Variants in ROBO1 observed in about 807,000 individuals in gnomAD.
ROBO1 encodes the protein roundabout homolog 1.
Under a neutral mutation model 195.9 loss-of-function variants are expected in ROBO1, and 149 were observed. That is an observed-to-expected ratio of 0.76 (90% confidence interval 0.67 to 0.87). ROBO1 has a LOEUF of 0.87. ROBO1 is among the 40% of genes least tolerant of loss of function. The pLI is 0.00. For synonymous variants in ROBO1, 816 were observed against 733.2 expected (o/e 1.11, Z -1.82); for missense variants, 1,933 against 2,068.3 (o/e 0.93, Z 1.27).
chr3:79,219,643 C>T (rs1253199455), intron 2 of ROBO1, among the ~76,000 whole-genome samples: 1 of 151,978 alleles, frequency 6.6e-6, no homozygotes, highest in East Asian at 1.9e-4. Context: ...TTGCCAAGCT[C>T]TTGTGAACAG....
chr3:78,929,288 G>GCCTT (rs2039379725), intron 4 of ROBO1, among the ~76,000 whole-genome samples: 1 of 152,030 alleles, frequency 6.6e-6, no homozygotes, highest in African/African-American at 2.4e-5. Flanking sequence ...TTAGGCCCCA[G>GCCTT]ATAACCAGAT....
intron 3 of ROBO1, among the ~76,000 whole-genome samples, chr3:79,040,963 CT>C (rs2078477439): frequency 1.3e-5 from 2 of 152,162 alleles, no homozygotes; most frequent in Admixed American, 6.5e-5. Context: ...GACTTCCCTC[CT>C]TTGACATCCT....
chr3:79,422,969 G>C (rs1046042962), intron 2 of ROBO1, among the ~76,000 whole-genome samples: 4 of 143,794 alleles, frequency 2.8e-5, no homozygotes, highest in African/African-American at 1.0e-4. Context: ...ACCTTATTTA[G>C]TATATTTCCA....
At chr3:78,784,813 A>C (rs1199188829) in intron 4 of ROBO1, among the ~76,000 whole-genome samples, 1 of 152,166 alleles carries the variant, frequency 6.6e-6, no homozygotes, top group Non-Finnish European at 1.5e-5. Flanking sequence ...ATTTGCAACT[A>C]TCAGGGTTAC....
At chr3:79,048,494 T>C (rs1199679525) in intron 3 of ROBO1, among the ~76,000 whole-genome samples, 1 of 152,124 alleles carries the variant, frequency 6.6e-6, no homozygotes, top group Non-Finnish European at 1.5e-5. Context: ...GTGCTTCTCA[T>C]GGAACCCCAA....
intron 2 of ROBO1, among the ~76,000 whole-genome samples, chr3:79,289,809 A>G (rs571406673): frequency 3.3e-5 from 5 of 152,118 alleles, no homozygotes; most frequent in Admixed American, 6.5e-5. Flanking sequence ...TTAGGGTGAA[A>G]ATGTTTCCTG....
chr3:78,877,859 G>T (rs1300646527), intron 4 of ROBO1, among the ~76,000 whole-genome samples: 2 of 152,124 alleles, frequency 1.3e-5, no homozygotes, highest in Non-Finnish European at 2.9e-5. Flanking sequence ...GTATAAAATT[G>T]TCTCACACTT....
chr3:79,555,715 C>T (rs1050306681), intron 2 of ROBO1, among the ~76,000 whole-genome samples: 14 of 152,186 alleles, frequency 9.2e-5, no homozygotes, highest in Admixed American at 3.3e-4. Flanking sequence ...TGCCTATTGC[C>T]ATGGGTTTCT....
At chr3:78,853,859 G>A (rs1189181220) in intron 4 of ROBO1, among the ~76,000 whole-genome samples, 1 of 152,036 alleles carries the variant, frequency 6.6e-6, no homozygotes, top group Non-Finnish European at 1.5e-5. Flanking sequence ...TGAGAACCAA[G>A]AGAAAAGGGT....
Position 79,618,130 on chromosome 3 carries a change from T to TA in ROBO1, c.-50-28170dup, listed in dbSNP as rs142862721. On this transcript the variant is annotated intron_variant, in intron 1 of 30. Coordinates refer to ENST00000464233, the MANE Select transcript of ROBO1 (RefSeq NM_002941.4). Reference sequence around the variant, plus strand: ...AGGCTTCAGGAAATAGAGGATTATGTAAAAAAATACGAACCTATGAGATAT... The same window carrying TA: ...AGGCTTCAGGAAATAGAGGATTATGTAAAAAAAATACGAACCTATGAGATAT... Among the ~76,000 whole-genome samples the TA allele has an allele frequency of 6.7e-3, 1,012 of 151,960 alleles. 10 individuals carry two copies. Among genetic ancestry groups the TA allele is most frequent in the African/African-American group, 0.023 (949 of 41,504 alleles).
At chr3:79,252,382 GTAGAAGTTCAT>G (rs997141997) in intron 2 of ROBO1, among the ~76,000 whole-genome samples, 4 of 152,054 alleles carry the variant, frequency 2.6e-5, no homozygotes, top group Non-Finnish European at 5.9e-5. Flanking sequence ...CACACACAGG[GTAGAAGTTCAT>G]TTGAAGATCG....
chr3:78,722,407 A>C (rs1033064264), intron 5 of ROBO1, among the ~76,000 whole-genome samples: 7 of 152,168 alleles, frequency 4.6e-5, no homozygotes, highest in Non-Finnish European at 1.0e-4. Flanking sequence ...TTTCATTAGT[A>C]ACATAATATG....
chr3:79,178,244 C>T (rs1333478415), intron 2 of ROBO1, among the ~76,000 whole-genome samples: 1 of 152,046 alleles, frequency 6.6e-6, no homozygotes, highest in Non-Finnish European at 1.5e-5. Flanking sequence ...ATGAACAAAA[C>T]TAGTGTTGAG....
At position 78,627,469 on chromosome 3, in the gene ROBO1, CAG is replaced by C; in HGVS notation, c.3725_3726del (p.Pro1242ArgfsTer14). On this transcript the variant is annotated frameshift_variant, in exon 26 of 31. Transcript: ENST00000464233. LOFTEE classifies it high-confidence loss of function. Reference protein sequence around the residue: ...EEEDERGPTPPVRGAASSPAA... With the variant: ...EEEDERGPTPXVRGAASSPAA... ...GCTGGAGAAGAAGCTGCTCCCCGAA[CAG>C]GGGGAGTGGGGCCTCGTTCATCTTC... is the stretch of plus-strand genomic sequence containing the variant. 6.2e-7 allele frequency: 1 copy of C among 1,613,178 alleles called. No individual in the cohort carries two copies. Among genetic ancestry groups the C allele is most frequent in the Non-Finnish European group, 8.5e-7 (1 of 1,179,602 alleles).
At chr3:79,267,489 C>A (rs1206785854) in intron 2 of ROBO1, among the ~76,000 whole-genome samples, 1 of 150,988 alleles carries the variant, frequency 6.6e-6, no homozygotes, top group Admixed American at 6.6e-5. Context: ...CTAAAACAAT[C>A]TAGACTGATG....
At chr3:78,732,615 T>G (rs2082309346) in intron 5 of ROBO1, among the ~76,000 whole-genome samples, 3 of 152,142 alleles carry the variant, frequency 2.0e-5, no homozygotes, top group Admixed American at 1.3e-4. Flanking sequence ...TGTGGCATGA[T>G]CTTTTATATA....
intron 8 of ROBO1, among the ~76,000 whole-genome samples, chr3:78,706,556 G>T (rs1265659546): frequency 6.6e-6 from 1 of 151,940 alleles, no homozygotes; most frequent in Non-Finnish European, 1.5e-5. Flanking sequence ...TGCTTAGGCT[G>T]GTCTCGAACT....
chr3:79,489,562 G>A (rs1939342215), intron 2 of ROBO1, among the ~76,000 whole-genome samples: 1 of 151,206 alleles, frequency 6.6e-6, no homozygotes, highest in Non-Finnish European at 1.5e-5. Context: ...GGCTGAGGCA[G>A]GAGAATCGCT....
intron 8 of ROBO1, among the ~76,000 whole-genome samples, chr3:78,692,137 A>G (rs1172073089): frequency 6.6e-6 from 1 of 151,802 alleles, no homozygotes; most frequent in Non-Finnish European, 1.5e-5. Context: ...CATTCTCTAC[A>G]TGTATTTTTG....
Sources: allele counts gnomAD v4.1 joint callset (sites outside exome capture counted in the v4.1 genomes callset), GRCh38; gene constraint gnomAD v4.1.1; transcripts MANE v1.5; gene names NCBI Gene and HGNC (gene_info 2026-07-23, HGNC 2026-07-21).